GFRA3: variants seen among roughly 807,000 people sequenced by gnomAD.
GFRA3 encodes the protein GDNF family receptor alpha-3.
GFRA3 carries 24 observed loss-of-function variants against 40.0 expected under a neutral mutation model. The ratio of observed to expected loss-of-function variants is 0.60; its 90% CI spans 0.43 to 0.84. GFRA3 has a LOEUF of 0.84. GFRA3 is among the 40% of genes least tolerant of loss of function. GFRA3 has a pLI of 0.00. For missense variants in GFRA3, 405 were observed against 530.6 expected (o/e 0.76, Z 2.33); for synonymous variants, 203 against 213.5 (o/e 0.95, Z 0.43).
chr5:138,256,555 A>G lies in GFRA3; in HGVS notation c.785+1084T>C, dbSNP rs781265311. Among the ~76,000 whole-genome samples the G allele has an allele frequency of 3.6e-4, 21 of 59,140 alleles. No individual in the cohort carries two copies. In the East Asian group the frequency reaches 6.5e-3, roughly 18 times the overall value. 38.8% of individuals were successfully genotyped at this position (59,140 alleles called of 152,430 possible). On this transcript the variant is annotated intron_variant, in intron 4 of 7. Transcript: ENST00000274721. ...AAAAAACAAACAAAAAAAAACAAACAAAAAAAAAAACAAAACAAAAACCTA... is the reference window on the plus strand; with the variant it reads ...AAAAAACAAACAAAAAAAAACAAACGAAAAAAAAAACAAAACAAAAACCTA...
chr5:138,272,483 A>G (rs894202062), intron 1 of GFRA3, among the ~76,000 whole-genome samples: 1 of 149,514 alleles, frequency 6.7e-6, no homozygotes, highest in Non-Finnish European at 1.5e-5. Context: ...TCTCTACAAA[A>G]AATACAAAAA....
At position 138,254,146 on chromosome 5, in the gene GFRA3, T is replaced by C; in HGVS notation, c.800A>G (p.Asp267Gly). 6.3e-7 allele frequency: 1 copy of C among 1,598,374 alleles called. No homozygotes were observed. The highest frequency in any genetic ancestry group is 1.3e-5 in the African/African-American group (1 of 74,570). ...SDPLCRSRLV[D>G]FQTHCHPMDI... is the part of the protein sequence containing the mutation. ...CATGGGATGGCAGTGGGTCTGGAAA[T>C]CCACCAGGCGTGATCTGGAAGAAGG... The change falls in exon 5 of 8, where the codon GAT becomes GGT. Residue 267 changes from aspartate to glycine, a missense_variant. Asp to Gly is a moderately conservative substitution (Grantham distance 94). Coordinates refer to ENST00000274721, the MANE Select transcript of GFRA3 (RefSeq NM_001496.4).
chr5:138,259,672 C>G, intron 2 of GFRA3, 23 bp from the exon 3 acceptor site: 1 of 1,023,832 alleles, frequency 9.8e-7, no homozygotes, highest in South Asian at 1.3e-5. Context: ...TGGGGAGCAC[C>G]AGAATGCTGA....
In GFRA3 at chr5:138,273,157, A is replaced by C. The variant is rs79085402; in HGVS notation, c.91+1177T>G. Among the ~76,000 whole-genome samples the C allele has an allele frequency of 3.1e-3, 473 of 152,266 alleles. 5 individuals carry two copies. Among genetic ancestry groups the C allele is most frequent in the African/African-American group, 0.011 (453 of 41,552 alleles). ...CTTCCCCATGAATCGGAGGTCTCCT[A>C]TATGCTTGGCTTTAGCAGGCCCTGA... On this transcript the variant is annotated intron_variant, in intron 1 of 7. Coordinates refer to ENST00000274721, the MANE Select transcript of GFRA3 (RefSeq NM_001496.4).
chr5:138,272,029 G>T (rs186968083), intron 1 of GFRA3, among the ~76,000 whole-genome samples: 1 of 121,470 alleles, frequency 8.2e-6, no homozygotes, highest in Non-Finnish European at 1.7e-5. Flanking sequence ...TTTTTGAGAC[G>T]GAGTCTCGCT....
chr5:138,268,690 A>G (rs912669086), intron 1 of GFRA3, among the ~76,000 whole-genome samples: 1 of 152,130 alleles, frequency 6.6e-6, no homozygotes, highest in African/African-American at 2.4e-5. Flanking sequence ...GGAGATTGAG[A>G]CCATCCTGAC....
chr5:138,255,127 A>G (rs1241584426), intron 4 of GFRA3, among the ~76,000 whole-genome samples: 1 of 151,200 alleles, frequency 6.6e-6, no homozygotes, highest in Non-Finnish European at 1.5e-5. Context: ...GGAGGGAGGG[A>G]AGGAAGGAAG....
chr5:138,264,839 C>A (rs771119869), intron 1 of GFRA3, among the ~76,000 whole-genome samples: 2 of 152,064 alleles, frequency 1.3e-5, no homozygotes, highest in Non-Finnish European at 2.9e-5. Flanking sequence ...TGAAGGCGAG[C>A]CTGATGACCC....
At chr5:138,264,791 G>C (rs921231083) in intron 1 of GFRA3, among the ~76,000 whole-genome samples, 42 of 152,272 alleles carry the variant, frequency 2.8e-4, no homozygotes, top group African/African-American at 9.6e-4. Flanking sequence ...TTGCAGAGAG[G>C]CTGCTCAGCC....
intron 1 of GFRA3, among the ~76,000 whole-genome samples, chr5:138,271,945 G>GTGTGTGT (rs1581515827): frequency 1.6e-5 from 2 of 124,118 alleles, no homozygotes; most frequent in Non-Finnish European, 3.3e-5. Flanking sequence ...GTGTGTGTGT[G>GTGTGTGT]GTTTGGTTGT....
rs1382554863 is a variant in GFRA3 at position 138,259,662 on chromosome 5, T to A, written c.380-13A>T. The A allele has an allele frequency of 8.7e-7, 1 of 1,152,604 alleles. No individual in the cohort carries two copies. Among genetic ancestry groups the A allele is most frequent in the Non-Finnish European group, 1.3e-6 (1 of 757,958 alleles). The allele number at this position is 1,152,604 out of a possible 1,614,324, so 71.4% of individuals were successfully genotyped here. Reference sequence around the variant, plus strand: ...AGCTCATAGTTACCTAGAGACAAGGTGGGGAGCACCAGAATGCTGAGGACC... The same window carrying A: ...AGCTCATAGTTACCTAGAGACAAGGAGGGGAGCACCAGAATGCTGAGGACC... On this transcript the variant is annotated splice_polypyrimidine_tract_variant and intron_variant, in intron 2 of 7. Coordinates refer to ENST00000274721, the MANE Select transcript of GFRA3 (RefSeq NM_001496.4).
Position 138,257,869 on chromosome 5 carries a change from C to T in GFRA3, c.555G>A (p.Ala185=), listed in dbSNP as rs1162537382. ...GGCGCTGGCAGTGGGGCCCGGAGCA[C>T]GCCTCCCCGTAGGCCTTGCGCAGCC... ...CDRLRKAYGE[A]CSGPHCQRHV... Residue 185 remains alanine (A), a synonymous_variant, in exon 4 of 8, where the codon GCG becomes GCA. Coordinates refer to ENST00000274721, the MANE Select transcript of GFRA3 (RefSeq NM_001496.4). 6.2e-7 allele frequency: 1 copy of T among 1,613,872 alleles called. No homozygotes were observed. The highest frequency in any genetic ancestry group is 1.7e-5 in the Admixed American group (1 of 60,014).
At chr5:138,264,651 GA>G (rs1203496111) in intron 1 of GFRA3, 103 bp from the exon 2 acceptor site, 2 of 752,416 alleles carry the variant, frequency 2.7e-6, no homozygotes, top group Non-Finnish European at 4.3e-6. Context: ...GAAACTTTGT[GA>G]AAGTCTTAGG....
At position 138,274,534 on chromosome 5, in the gene GFRA3, C is replaced by T. The variant is rs1180595056; in HGVS notation, c.-110G>A. On this transcript the variant is annotated 5_prime_UTR_variant, in exon 1 of 8. Transcript: ENST00000274721. ...CGCCCCCGCCTCCCGCCCTCCAGCG[C>T]GACGCACACACTCTCCCACCAGGGT... 8.1e-7 allele frequency: 1 copy of T among 1,234,986 alleles called. No individual in the cohort carries two copies. Among genetic ancestry groups the T allele is most frequent in the African/African-American group, 1.6e-5 (1 of 64,488 alleles). The allele number at this position is 1,234,986 out of a possible 1,614,324, so 76.5% of individuals were successfully genotyped here.
chr5:138,266,346 TA>T (rs1005052592), intron 1 of GFRA3, among the ~76,000 whole-genome samples: 4 of 152,070 alleles, frequency 2.6e-5, no homozygotes, highest in African/African-American at 4.8e-5. Context: ...TATTTTCCAT[TA>T]AAAAAAATTA....
At chr5:138,273,446 G>C (rs1755904997) in intron 1 of GFRA3, among the ~76,000 whole-genome samples, 1 of 152,164 alleles carries the variant, frequency 6.6e-6, no homozygotes, top group Non-Finnish European at 1.5e-5. Context: ...AAATTTCCTG[G>C]GCAGTCAAAT....
chr5:138,253,678 C>G (rs2126610084), intron 6 of GFRA3, 88 bp downstream of exon 6: 1 of 1,267,140 alleles, frequency 7.9e-7, no homozygotes, highest in East Asian at 2.4e-5. Context: ...TGGATGGAAC[C>G]AGCCTGGGCC....
In GFRA3 at chr5:138,269,739, A is replaced by G. The variant is rs1755840308; in HGVS notation, c.91+4595T>C. ...GTGCCTATAGTCCCAGCTACTGAGG[A>G]GGCTGAGGCAGGAGAATCGCTTGAA... On this transcript the variant is annotated intron_variant, in intron 1 of 7. Transcript: ENST00000274721. Among the ~76,000 whole-genome samples, 3 of 149,270 alleles carry G rather than the reference A, an allele frequency of 2.0e-5. No individual in the cohort carries two copies. In the South Asian group the frequency reaches 6.4e-4, roughly 32 times the overall value.
intron 3 of GFRA3, 22 bp downstream of exon 3, chr5:138,259,535 C>T (rs1401143015): frequency 4.5e-6 from 5 of 1,123,536 alleles, no homozygotes; most frequent in Admixed American, 1.7e-5. Flanking sequence ...CTCTGGTTCC[C>T]GAGCCTAGTT....
Sources: gnomAD v4.1 joint callset for allele counts (sites outside exome capture counted in the v4.1 genomes callset) on GRCh38, gnomAD v4.1.1 for gene constraint, MANE v1.5 for transcripts, NCBI Gene and HGNC (gene_info 2026-07-23, HGNC 2026-07-21) for gene names.